CACNA1C: variants seen among roughly 807,000 people sequenced by gnomAD.
The protein encoded by CACNA1C is voltage-dependent L-type calcium channel subunit alpha-1C.
In CACNA1C, 30 loss-of-function variants were observed where a neutral mutation model predicts 229.0. The ratio of observed to expected loss-of-function variants is 0.13; its 90% CI spans 0.10 to 0.18. The LOEUF (loss-of-function observed/expected upper bound fraction) is 0.18, where lower values mean the gene tolerates loss of function less well. Ranked by LOEUF, CACNA1C falls within the 10% of genes least tolerant of loss-of-function variation. The pLI is 1.00. For missense variants in CACNA1C, 1,658 were observed against 2,845.0 expected (o/e 0.58, Z 9.49); for synonymous variants, 1,114 against 1,132.5 (o/e 0.98, Z 0.33).
At chr12:1,976,675 T>C (rs2034460099) in intron 1 of CACNA1C, among the ~76,000 whole-genome samples, 1 of 152,162 alleles carries the variant, frequency 6.6e-6, no homozygotes, top group Non-Finnish European at 1.5e-5. Context: ...TTACTTTAAA[T>C]ATTAGTTTCT....
At chr12:2,652,322 G>T (rs967774873) in intron 32 of CACNA1C, among the ~76,000 whole-genome samples, 11 of 152,220 alleles carry the variant, frequency 7.2e-5, no homozygotes, top group African/African-American at 2.7e-4. Context: ...CATGTGATCA[G>T]TTCCTCCGCT....
At chr12:2,310,352 A>AATATATATAT (rs35448122) in intron 3 of CACNA1C, among the ~76,000 whole-genome samples, 22 of 139,842 alleles carry the variant, frequency 1.6e-4, no homozygotes, top group East Asian at 6.5e-4. Context: ...TAAAAAAAAA[A>AATATATATAT]ATATATATAT....
chr12:2,581,635 T>C lies in CACNA1C; in HGVS notation c.1941T>C (p.Ser647=). ...LSNLVASLLN[S]VRSIASLLLL... ...ACCTGGTGGCATCCTTGCTGAACTC[T>C]GTGCGCTCCATCGCCTCCCTGCTCC... is the stretch of plus-strand genomic sequence containing the variant. Residue 647 remains serine (S), a synonymous_variant, in exon 14 of 47, where the codon TCT becomes TCC. Coordinates refer to ENST00000399655, the MANE Select transcript of CACNA1C (RefSeq NM_000719.7). 1 of 1,589,464 alleles carries C rather than the reference T, an allele frequency of 6.3e-7. No individual in the cohort carries two copies. Among genetic ancestry groups the C allele is most frequent in the Non-Finnish European group, 8.6e-7 (1 of 1,167,142 alleles).
intron 21 of CACNA1C, among the ~76,000 whole-genome samples, chr12:2,600,876 G>A (rs895349821): frequency 2.0e-5 from 3 of 152,192 alleles, no homozygotes; most frequent in Non-Finnish European, 4.4e-5. Context: ...GGGGCTCACC[G>A]TGTGCAGGGT....
intron 10 of CACNA1C, among the ~76,000 whole-genome samples, chr12:2,552,477 G>GCAGA (rs1450953766): frequency 1.3e-5 from 2 of 152,226 alleles, no homozygotes; most frequent in Non-Finnish European, 2.9e-5. Context: ...TGAGGGACTG[G>GCAGA]CAGACCCTTA....
rs2095290769 is a variant in CACNA1C at position 2,654,320 on chromosome 12, T to C, written c.4140+420T>C. 6.6e-6 allele frequency among the ~76,000 whole-genome samples: 1 copy of C among 152,174 alleles called. No homozygotes were observed. The highest frequency in any genetic ancestry group is 2.1e-4 in the South Asian group (1 of 4,824). On this transcript the variant is annotated intron_variant, in intron 33 of 46. Coordinates refer to ENST00000399655, the MANE Select transcript of CACNA1C (RefSeq NM_000719.7). The surrounding 1 kb of genome is among the most constrained non-coding windows in gnomAD (Gnocchi z 4.4). ...TGAGAGTTACCCCAACCAGATTCAT[T>C]TGAAGCTAATGGCTGAGAGGGAGGG... is the stretch of plus-strand genomic sequence containing the variant.
chr12:2,038,305 C>T (rs1456307222), intron 1 of CACNA1C, among the ~76,000 whole-genome samples: 2 of 152,156 alleles, frequency 1.3e-5, no homozygotes, highest in African/African-American at 4.8e-5. Flanking sequence ...CACGGTGGCA[C>T]TCTGACAGAG....
At position 2,399,505 on chromosome 12, in the gene CACNA1C, G is replaced by A. The variant is rs188485601; in HGVS notation, c.478-49471G>A. 4.6e-5 allele frequency among the ~76,000 whole-genome samples: 7 copies of A among 152,318 alleles called. 1 individual carries two copies. Among genetic ancestry groups the A allele is most frequent in the Admixed American group, 1.3e-4 (2 of 15,306 alleles). ...TTCCTCTGGAGTTCAGCCATCCTCA[G>A]CCAAATTCCTGTCCAACCATCCCCG... On this transcript the variant is annotated intron_variant, in intron 3 of 46. Coordinates refer to ENST00000399655, the MANE Select transcript of CACNA1C (RefSeq NM_000719.7).
At chr12:2,150,363 C>T (rs527511343) in intron 3 of CACNA1C, among the ~76,000 whole-genome samples, 2 of 152,278 alleles carry the variant, frequency 1.3e-5, no homozygotes, top group Admixed American at 1.3e-4. Flanking sequence ...CACCTCCATT[C>T]CCCAGTCTCC....
At chr12:2,314,702 C>G (rs2095601270) in intron 3 of CACNA1C, among the ~76,000 whole-genome samples, 1 of 152,126 alleles carries the variant, frequency 6.6e-6, no homozygotes. Context: ...TTCCATTGTT[C>G]ATGTTCATCA....
At chr12:2,549,413 C>G (rs1460480184) in intron 9 of CACNA1C, among the ~76,000 whole-genome samples, 1 of 152,174 alleles carries the variant, frequency 6.6e-6, no homozygotes, top group Non-Finnish European at 1.5e-5. Flanking sequence ...CTGGGTGTAA[C>G]CAACTGCCGG....
At chr12:2,097,402 T>G (rs530474150) in intron 1 of CACNA1C, among the ~76,000 whole-genome samples, 3 of 152,124 alleles carry the variant, frequency 2.0e-5, no homozygotes, top group Admixed American at 2.0e-4. Context: ...CGCCTCGACC[T>G]CCCAAAGTGC....
At chr12:2,112,552 C>T (rs881303) in intron 1 of CACNA1C, among the ~76,000 whole-genome samples, 104,803 of 151,964 alleles carry the variant, frequency 0.69, 36,356 homozygotes, top group East Asian at 0.73. Context: ...TGGCTATGAA[C>T]TGGGTGTGGC....
chr12:2,049,184 G>A (rs542265343), upstream of CACNA1C: 3 of 152,314 alleles, frequency 2.0e-5, no homozygotes, highest in Admixed American at 1.3e-4. Context: ...GGTTAAGAGC[G>A]TAGGCTCTGA....
intron 34 of CACNA1C, among the ~76,000 whole-genome samples, chr12:2,656,756 G>A (rs2095444711): frequency 6.6e-6 from 1 of 152,178 alleles, no homozygotes. Flanking sequence ...GCTCAGGAGA[G>A]AAACCTGAGA....
chr12:1,979,733 C>T (rs2035566342), intron 1 of CACNA1C, among the ~76,000 whole-genome samples: 4 of 152,234 alleles, frequency 2.6e-5, no homozygotes, highest in Admixed American at 2.6e-4. Flanking sequence ...TACTCTTTCA[C>T]AAGCAATGTA....
At chr12:2,191,907 CAT>C (rs1421004459) in intron 3 of CACNA1C, among the ~76,000 whole-genome samples, 2 of 151,802 alleles carry the variant, frequency 1.3e-5, no homozygotes, top group South Asian at 2.1e-4. Context: ...CACATGCACA[CAT>C]GGTCTCACAC....
At position 2,356,133 on chromosome 12, in the gene CACNA1C, G is replaced by C. The variant is rs11614550; in HGVS notation, c.478-92843G>C. ...GTTAGGCAAATGCACCAATTACCTGGTGCAGTAGCTTAGTCTTTCCTTTGC... is the reference window on the plus strand; with the variant it reads ...GTTAGGCAAATGCACCAATTACCTGCTGCAGTAGCTTAGTCTTTCCTTTGC... On this transcript the variant is annotated intron_variant, in intron 3 of 46. Coordinates refer to ENST00000399655, the MANE Select transcript of CACNA1C (RefSeq NM_000719.7). Among the ~76,000 whole-genome samples the C allele has an allele frequency of 2.2e-3, 341 of 152,328 alleles. 3 individuals carry two copies. Among genetic ancestry groups the C allele is most frequent in the Non-Finnish European group, 3.5e-3 (236 of 68,026 alleles).
At chr12:2,657,534 A>C (rs216048) in intron 34 of CACNA1C, among the ~76,000 whole-genome samples, 44,669 of 152,032 alleles carry the variant, frequency 0.29, 7,944 homozygotes, top group African/African-American at 0.51. Flanking sequence ...GGATGGATAA[A>C]ACTTAGCAAT....
Sources: allele counts gnomAD v4.1 joint callset (sites outside exome capture counted in the v4.1 genomes callset), GRCh38; gene constraint gnomAD v4.1.1; non-coding constraint Gnocchi (gnomAD v3.1); transcripts MANE v1.5; gene names NCBI Gene and HGNC (gene_info 2026-07-23, HGNC 2026-07-21).